The following SEPTIN11 variants were observed in gnomAD, a reference collection of about 807,000 sequenced individuals.
SEPTIN11 encodes the protein septin 11, also known as septin-11.
Under a neutral mutation model 51.4 loss-of-function variants are expected in SEPTIN11, and 25 were observed. That is an observed-to-expected ratio of 0.49 (90% confidence interval 0.35 to 0.68). The LOEUF is 0.68. Ranked by LOEUF, SEPTIN11 falls within the 30% of genes least tolerant of loss-of-function variation. The probability of loss-of-function intolerance (pLI) is 0.00; values close to 1 mark genes in which losing one functional copy is unlikely to be tolerated. For synonymous variants in SEPTIN11, 174 were observed against 184.1 expected (o/e 0.95, Z 0.44); for missense variants, 381 against 520.8 (o/e 0.73, Z 2.61).
chr4:76,995,297 A>G (rs11730301), intron 1 of SEPTIN11, among the ~76,000 whole-genome samples: 79,288 of 151,732 alleles, frequency 0.52, 21,620 homozygotes, highest in Middle Eastern at 0.62. Flanking sequence ...CACTAGAATC[A>G]CTTGAACCTA....
At chr4:77,018,377 G>A (rs1288684958) in intron 5 of SEPTIN11, among the ~76,000 whole-genome samples, 3 of 151,678 alleles carry the variant, frequency 2.0e-5, no homozygotes, top group Admixed American at 2.0e-4. Context: ...TGAACCCGGA[G>A]GGCAGAGCTT....
intron 1 of SEPTIN11, among the ~76,000 whole-genome samples, chr4:76,995,364 G>C (rs1723634087): frequency 6.6e-6 from 1 of 151,998 alleles, no homozygotes; most frequent in Non-Finnish European, 1.5e-5. Flanking sequence ...CCTGGCGACA[G>C]AGTGAGACTC....
At position 77,035,877 on chromosome 4, in the gene SEPTIN11, C is replaced by T. The variant is rs549460193; in HGVS notation, c.*1365C>T. 1.0e-6 allele frequency: 1 copy of T among 985,784 alleles called. No individual in the cohort carries two copies. Among genetic ancestry groups the T allele is most frequent in the South Asian group, 4.7e-5 (1 of 21,280 alleles). The allele number at this position is 985,784 out of a possible 1,614,324, so 61.1% of individuals were successfully genotyped here. On this transcript the variant is annotated 3_prime_UTR_variant, in exon 10 of 10. Coordinates refer to ENST00000264893, the MANE Select transcript of SEPTIN11 (RefSeq NM_018243.4). ...TTTCATCTGTGTGATTGTTTTTTCC[C>T]CTCTACTAACAAGATCCTCCCAGCT...
At chr4:76,952,317 A>G (rs931988767) in intron 1 of SEPTIN11, among the ~76,000 whole-genome samples, 2 of 152,184 alleles carry the variant, frequency 1.3e-5, no homozygotes, top group African/African-American at 2.4e-5. Context: ...ACCACTCCGA[A>G]GTTGATTTAT....
Position 77,038,573 on chromosome 4 carries a change from C to G in SEPTIN11, c.*4061C>G, listed in dbSNP as rs1024708360. 1.0e-6 allele frequency: 1 copy of G among 994,020 alleles called. No individual in the cohort carries two copies. Among genetic ancestry groups the G allele is most frequent in the African/African-American group, 1.7e-5 (1 of 57,282 alleles). 61.6% of individuals were successfully genotyped at this position (994,020 alleles called of 1,614,324 possible). A position where few individuals can be genotyped will look rare whatever the true frequency, so the allele number is the denominator to read the frequency against. Reference sequence around the variant, plus strand: ...TAATCTATGCATATATCACTAGTGCCAAGACATAAAGCGGGGGAAAATATA... The same window carrying G: ...TAATCTATGCATATATCACTAGTGCGAAGACATAAAGCGGGGGAAAATATA... On this transcript the variant is annotated 3_prime_UTR_variant, in exon 10 of 10. Transcript: ENST00000264893.
intron 1 of SEPTIN11, among the ~76,000 whole-genome samples, chr4:76,980,571 C>T (rs187699715): frequency 9.6e-4 from 146 of 152,280 alleles, no homozygotes; most frequent in Non-Finnish European, 1.8e-3. Context: ...AGGCTTAACT[C>T]TGTGTAGCCA....
intron 1 of SEPTIN11, among the ~76,000 whole-genome samples, chr4:76,959,687 A>C (rs953551442): frequency 3.5e-4 from 53 of 151,544 alleles, no homozygotes; most frequent in Admixed American, 2.0e-4. Flanking sequence ...AAAGCTTAAA[A>C]CTCTTTTGAA....
rs748733196 is a variant in SEPTIN11 at position 77,019,151 on chromosome 4, C to T, written c.688-14C>T. 1.9e-6 allele frequency: 3 copies of T among 1,609,432 alleles called. No individual in the cohort carries two copies. Among genetic ancestry groups the T allele is most frequent in the East Asian group, 2.2e-5 (1 of 44,766 alleles). On this transcript the variant is annotated splice_polypyrimidine_tract_variant and intron_variant, in intron 5 of 9. Coordinates refer to ENST00000264893, the MANE Select transcript of SEPTIN11 (RefSeq NM_018243.4). The stretch of plus-strand genomic sequence containing the variant: ...CAGGGGAAAGTAACTATTCTCTGTC[C>T]TTTTGCTTGGCAGGTCCATCTCCCA...
chr4:76,954,002 A>G (rs2645699), intron 1 of SEPTIN11, among the ~76,000 whole-genome samples: 15,409 of 152,150 alleles, frequency 0.1, 1,351 homozygotes, highest in East Asian at 0.23. Context: ...TGCCTGAATG[A>G]GTCCTGTGTG....
At chr4:76,958,816 T>C (rs971966730) in intron 1 of SEPTIN11, 138 of 1,277,668 alleles carry the variant, frequency 1.1e-4, no homozygotes, top group Non-Finnish European at 1.4e-4. Context: ...AAAATAAGTT[T>C]TAAATAGTCA....
At chr4:77,012,674 T>C (rs767152229) in intron 4 of SEPTIN11, among the ~76,000 whole-genome samples, 19 of 152,374 alleles carry the variant, frequency 1.2e-4, no homozygotes, top group South Asian at 6.2e-4. Flanking sequence ...GTGTTGTTAC[T>C]ATGATTTTAT....
chr4:77,013,853 C>T (rs1725037350), intron 4 of SEPTIN11, among the ~76,000 whole-genome samples: 5 of 152,244 alleles, frequency 3.3e-5, no homozygotes, highest in Admixed American at 3.3e-4. Flanking sequence ...TGTTTTCTCT[C>T]ACCTGAACTG....
At position 76,989,312 on chromosome 4, in the gene SEPTIN11, G is replaced by A. The variant is rs564420512; in HGVS notation, c.28-7113G>A. On this transcript the variant is annotated intron_variant, in intron 1 of 9. Coordinates refer to ENST00000264893, the MANE Select transcript of SEPTIN11 (RefSeq NM_018243.4). ...TTTAAAAAAAAATAAATTTTAAAGA[G>A]AAAAATCTTTCTAAACTTAAATTGT... Among the ~76,000 whole-genome samples, 215 of 152,180 alleles carry A rather than the reference G, an allele frequency of 1.4e-3. 3 individuals are homozygous for A. Among genetic ancestry groups the A allele is most frequent in the South Asian group, 1.0e-3 (5 of 4,820 alleles).
At chr4:77,032,761 A>G (rs1039196980) in intron 9 of SEPTIN11, among the ~76,000 whole-genome samples, 1 of 152,270 alleles carries the variant, frequency 6.6e-6, no homozygotes, top group African/African-American at 2.4e-5. Flanking sequence ...TATTTCGTGT[A>G]TACTAGACGT....
chr4:77,032,614 A>G (rs963539233), intron 9 of SEPTIN11, among the ~76,000 whole-genome samples: 1 of 152,142 alleles, frequency 6.6e-6, no homozygotes, highest in Non-Finnish European at 1.5e-5. Flanking sequence ...ATAGGTATGA[A>G]TGAGACAAAA....
At chr4:76,994,132 G>A (rs990488202) in intron 1 of SEPTIN11, among the ~76,000 whole-genome samples, 1 of 152,100 alleles carries the variant, frequency 6.6e-6, no homozygotes, top group Non-Finnish European at 1.5e-5. Flanking sequence ...TCTGCCCTGC[G>A]TTGTCTCTTT....
At chr4:76,949,984 T>C in intron 1 of SEPTIN11, 54 bp downstream of exon 1, 1 of 1,393,382 alleles carries the variant, frequency 7.2e-7, no homozygotes, top group Non-Finnish European at 9.3e-7. Flanking sequence ...GTCTCTGCTC[T>C]GGGGCGGGTG....
At chr4:76,959,169 T>G in intron 1 of SEPTIN11, 1 of 471,972 alleles carries the variant, frequency 2.1e-6, no homozygotes, top group Non-Finnish European at 4.1e-6. Context: ...GTTTTACCAT[T>G]CTTGGCTGCT....
At chr4:77,017,531 T>C (rs1725387259) in intron 5 of SEPTIN11, among the ~76,000 whole-genome samples, 2 of 152,174 alleles carry the variant, frequency 1.3e-5, no homozygotes, top group African/African-American at 2.4e-5. Flanking sequence ...AACTCAGACT[T>C]GTTTGAGAAA....
Sources: allele counts gnomAD v4.1 joint callset (sites outside exome capture counted in the v4.1 genomes callset), GRCh38; gene constraint gnomAD v4.1.1; transcripts MANE v1.5; gene names NCBI Gene and HGNC (gene_info 2026-07-23, HGNC 2026-07-21).